DOCK8: variants seen among roughly 807,000 people sequenced by gnomAD.
DOCK8 encodes the protein dedicator of cytokinesis protein 8.
In DOCK8, 141 loss-of-function variants were observed where a neutral mutation model predicts 245.6. The observed-to-expected ratio is 0.57, with a 90% confidence interval of 0.50 to 0.66. The LOEUF is 0.66. Ranked by LOEUF, DOCK8 falls within the 30% of genes least tolerant of loss-of-function variation. DOCK8 has a pLI of 0.00. For synonymous variants in DOCK8, 1,168 were observed against 970.2 expected, an observed-to-expected ratio of 1.20 and a Z score of -3.79; for missense variants, 2,965 against 2,603.4, an observed-to-expected ratio of 1.14 and a Z score of -3.02.
chr9:460,395 C>T (rs2057767241), intron 46 of DOCK8: 1 of 152,178 alleles, frequency 6.6e-6, no homozygotes. Context: ...CTCATCCCAC[C>T]TCCTGTAGCC....
intron 40 of DOCK8, among the ~76,000 whole-genome samples, chr9:440,494 T>A (rs2057059954): frequency 1.3e-5 from 2 of 152,210 alleles, no homozygotes; most frequent in African/African-American, 4.8e-5. Context: ...TAATTATTGT[T>A]TTAACTGTCT....
intron 1 of DOCK8, among the ~76,000 whole-genome samples, chr9:252,725 A>G (rs1182963210): frequency 7.1e-6 from 1 of 141,184 alleles, no homozygotes; most frequent in Non-Finnish European, 1.6e-5. Context: ...AATTGCTTGA[A>G]CCCGGGAGGT....
chr9:404,873 A>G (rs568766899), intron 26 of DOCK8, 45 bp from the exon 27 acceptor site: 8 of 1,610,738 alleles, frequency 5.0e-6, no homozygotes, highest in Non-Finnish European at 5.9e-6. Context: ...AACTCCACTT[A>G]CCTTGTAATA....
chr9:427,920 G>A (rs556546908), intron 34 of DOCK8, among the ~76,000 whole-genome samples: 1 of 152,126 alleles, frequency 6.6e-6, no homozygotes, highest in East Asian at 1.9e-4. Flanking sequence ...GAAACCTTTT[G>A]TTATTATCCT....
intron 1 of DOCK8, among the ~76,000 whole-genome samples, chr9:229,843 G>A (rs918024173): frequency 1.2e-4 from 18 of 151,894 alleles, no homozygotes; most frequent in Admixed American, 5.2e-4. Context: ...CCATCCAATG[G>A]TTTAAACAAA....
intron 2 of DOCK8, among the ~76,000 whole-genome samples, chr9:281,202 C>G (rs938478447): frequency 2.6e-5 from 4 of 151,480 alleles, no homozygotes; most frequent in Non-Finnish European, 2.9e-5. Flanking sequence ...TGCAGTGAGC[C>G]GAGATCCCGC....
At chr9:214,824 C>T, upstream of DOCK8, 2 of 1,597,728 alleles carry the variant, frequency 1.3e-6, no homozygotes, top group Non-Finnish European at 1.7e-6. Flanking sequence ...GGGGTGATTT[C>T]GGCTTAGAAG....
At position 432,331 on chromosome 9, in the gene DOCK8, C is replaced by G; in HGVS notation, c.4785+7C>G. 1 of 1,613,822 alleles carries G rather than the reference C, an allele frequency of 6.2e-7. No homozygotes were observed. The highest frequency in any genetic ancestry group is 8.5e-7 in the Non-Finnish European group (1 of 1,179,906). ...GACTCCTTTTCCCACCCAGGTACACCGAAGCACATACCTTGTCTCATGCAT... is the reference window on the plus strand; with the variant it reads ...GACTCCTTTTCCCACCCAGGTACACGGAAGCACATACCTTGTCTCATGCAT... On this transcript the variant is annotated splice_region_variant and intron_variant, in intron 37 of 47. Transcript: ENST00000432829.
At position 405,017 on chromosome 9, in the gene DOCK8, T is replaced by A; in HGVS notation, c.3334T>A (p.Phe1112Ile). 1 of 1,614,060 alleles carries A rather than the reference T, an allele frequency of 6.2e-7. No individual in the cohort carries two copies. Among genetic ancestry groups the A allele is most frequent in the Non-Finnish European group, 8.5e-7 (1 of 1,179,978 alleles). ...TGAGCATTACCTCAATCTGAACCTT[T>A]TTTTTATGAATGCTGATACTGCTCC... is the stretch of plus-strand genomic sequence containing the variant. ...SHEHYLNLNL[F>I]FMNADTAPTS... The change falls in exon 27 of 48, where the codon TTT becomes ATT. Residue 1112 changes from phenylalanine to isoleucine, a missense_variant. Physicochemically the swap from Phe to Ile is conservative, Grantham distance 21. Coordinates refer to ENST00000432829, the MANE Select transcript of DOCK8 (RefSeq NM_203447.4).
intron 6 of DOCK8, 59 bp from the exon 7 acceptor site, chr9:316,984 C>T (rs1229154489): frequency 7.3e-7 from 1 of 1,377,578 alleles, no homozygotes. Flanking sequence ...TGGGTTAACT[C>T]TAATTGGAGC....
chr9:395,542 A>AGTAGTC (rs2054410550), intron 24 of DOCK8, among the ~76,000 whole-genome samples: 1 of 151,666 alleles, frequency 6.6e-6, no homozygotes, highest in South Asian at 2.1e-4. Context: ...TAGTAGTAGT[A>AGTAGTC]GTAGTAGTAG....
At chr9:231,263 C>G (rs2047110211) in intron 1 of DOCK8, among the ~76,000 whole-genome samples, 1 of 151,996 alleles carries the variant, frequency 6.6e-6, no homozygotes, top group East Asian at 1.9e-4. Context: ...TGGTCTGTAT[C>G]TCTGTTTTGG....
At chr9:445,872 A>G (rs1017107363) in intron 43 of DOCK8, among the ~76,000 whole-genome samples, 2 of 152,218 alleles carry the variant, frequency 1.3e-5, no homozygotes, top group African/African-American at 2.4e-5. Flanking sequence ...TAACTGCATA[A>G]GAGACCGCCA....
chr9:406,827 G>A (rs2055445265), intron 27 of DOCK8, 103 bp from the exon 28 acceptor site: 1 of 1,476,212 alleles, frequency 6.8e-7, no homozygotes, highest in Admixed American at 1.7e-5. Flanking sequence ...CACTGGGGAG[G>A]GCTCACGAAG....
In DOCK8 at chr9:422,106, T is replaced by A; in HGVS notation, c.4212T>A (p.His1404Gln). 1 of 1,614,130 alleles carries A rather than the reference T, an allele frequency of 6.2e-7. No homozygotes were observed. The highest frequency in any genetic ancestry group is 2.2e-5 in the East Asian group (1 of 44,886). ...ENLRWKKEQT[H>Q]WRQANEKLDK... is the part of the protein sequence containing the mutation. ...TGAGATGGAAGAAAGAGCAGACACA[T>A]TGGCGGCAAGCTAATGAGAAGCTAG... The change falls in exon 33 of 48, where the codon CAT (histidine) becomes CAA (glutamine). Residue 1404 changes from histidine to glutamine, a missense_variant. Transcript: ENST00000432829.
chr9:278,928 A>C (rs1313077578), intron 2 of DOCK8, among the ~76,000 whole-genome samples: 2 of 152,202 alleles, frequency 1.3e-5, no homozygotes, highest in African/African-American at 2.4e-5. Context: ...TTTTATGAGG[A>C]TCACTCTGGC....
intron 2 of DOCK8, among the ~76,000 whole-genome samples, chr9:276,135 C>G (rs912762864): frequency 1.3e-5 from 2 of 152,158 alleles, no homozygotes; most frequent in Non-Finnish European, 2.9e-5. Flanking sequence ...AGGTGATCCG[C>G]CCGCCTCGGC....
intron 45 of DOCK8, among the ~76,000 whole-genome samples, chr9:451,410 G>A (rs868192723): frequency 1.3e-5 from 2 of 151,944 alleles, no homozygotes; most frequent in Non-Finnish European, 2.9e-5. Context: ...ATCCCTTGAG[G>A]CCAGGAGTTC....
intron 26 of DOCK8, among the ~76,000 whole-genome samples, chr9:403,972 ATATGTGTATATATATATATG>A (rs1396105356): frequency 1.4e-5 from 1 of 71,260 alleles, no homozygotes; most frequent in African/African-American, 1.0e-4. Context: ...ATATATATAT[ATATGTGTATATATATATATG>A]TGTATATATA....
Sources: gnomAD v4.1 joint callset for allele counts (sites outside exome capture counted in the v4.1 genomes callset) on GRCh38, gnomAD v4.1.1 for gene constraint, MANE v1.5 for transcripts, NCBI Gene and HGNC (gene_info 2026-07-23, HGNC 2026-07-21) for gene names.